Variants in NIPBL observed in about 807,000 individuals in gnomAD.
NIPBL encodes nipped-B-like protein.
Under a neutral mutation model 321.8 loss-of-function variants are expected in NIPBL, and 19 were observed. The ratio of observed to expected loss-of-function variants is 0.06; its 90% CI spans 0.04 to 0.09. The LOEUF (loss-of-function observed/expected upper bound fraction) is 0.09, where lower values mean the gene tolerates loss of function less well. NIPBL is among the 10% of genes least tolerant of loss of function. The probability of loss-of-function intolerance (pLI) is 1.00; values close to 1 mark genes in which losing one functional copy is unlikely to be tolerated. For synonymous variants in NIPBL, 1,106 were observed against 1,114.1 expected (o/e 0.99, Z 0.14); for missense variants, 2,210 against 3,327.0 (o/e 0.66, Z 8.26).
At chr5:36,988,454 G>A (rs187412944) in intron 10 of NIPBL, among the ~76,000 whole-genome samples, 6 of 151,882 alleles carry the variant, frequency 4.0e-5, no homozygotes, top group African/African-American at 7.3e-5. Context: ...TCAGGATGCC[G>A]TGTAGCTATC....
intron 46 of NIPBL, 187 bp from the exon 47 acceptor site, chr5:37,064,340 A>G: frequency 2.8e-6 from 4 of 1,447,054 alleles, no homozygotes; most frequent in Non-Finnish European, 3.6e-6. Context: ...TAAGAGTTAT[A>G]TGGTTTTACA....
At chr5:37,054,250 A>G (rs958330026) in intron 42 of NIPBL, among the ~76,000 whole-genome samples, 6 of 152,084 alleles carry the variant, frequency 3.9e-5, no homozygotes, top group East Asian at 3.8e-4. Context: ...TGTTAGCCTG[A>G]CAGCAGATTT....
In NIPBL at chr5:36,972,035, C is replaced by G. The variant is rs546188623; in HGVS notation, c.862C>G (p.Pro288Ala). ...VCSPAGSEGT[P>A]KGSRPPLILQ... The stretch of plus-strand genomic sequence containing the variant: ...CTCCCCTGCTGGAAGTGAAGGAACT[C>G]CTAAAGGTACTACTGTAACTAAAAT... Residue 288 changes from proline to alanine, a missense_variant, in exon 8 of 47, where the codon CCT becomes GCT. Physicochemically the swap from Pro to Ala is conservative, Grantham distance 27 (BLOSUM62 -1). This residue lies in a region of NIPBL where 464 missense variants were observed against 529.5 expected (regional missense o/e 0.88). Coordinates refer to ENST00000282516, the MANE Select transcript of NIPBL (RefSeq NM_133433.4). 6.2e-7 allele frequency: 1 copy of G among 1,605,392 alleles called. No individual in the cohort carries two copies. Among genetic ancestry groups the G allele is most frequent in the South Asian group, 1.1e-5 (1 of 90,854 alleles).
chr5:36,942,418 T>G (rs1580288965), intron 1 of NIPBL, among the ~76,000 whole-genome samples: 5 of 103,718 alleles, frequency 4.8e-5, no homozygotes, highest in African/African-American at 8.1e-5. Context: ...GGTGACAGAG[T>G]GAGACTCTGT....
At chr5:37,049,937 T>A (rs1038268902) in intron 40 of NIPBL, among the ~76,000 whole-genome samples, 1 of 152,196 alleles carries the variant, frequency 6.6e-6, no homozygotes, top group Non-Finnish European at 1.5e-5. Flanking sequence ...GTATTTTTCA[T>A]GGAACGTTTT....
chr5:37,040,922 G>A lies in NIPBL; in HGVS notation c.6108+2184G>A, dbSNP rs1752269156. On this transcript the variant is annotated intron_variant, in intron 34 of 46. Transcript: ENST00000282516. Reference sequence around the variant, plus strand: ...AGTTTCCTTCCCTGACTGCAAAGAAGGTTGAGCATCTTTTCTTGGTACTGA... The same window carrying A: ...AGTTTCCTTCCCTGACTGCAAAGAAAGTTGAGCATCTTTTCTTGGTACTGA... 3.9e-5 allele frequency among the ~76,000 whole-genome samples: 6 copies of A among 152,094 alleles called. 2 individuals carry two copies. The South Asian group carries it at 1.2e-3, about 31-fold the overall frequency.
chr5:36,925,988 C>A (rs1368908142), intron 1 of NIPBL, among the ~76,000 whole-genome samples: 1 of 152,144 alleles, frequency 6.6e-6, no homozygotes, highest in African/African-American at 2.4e-5. Context: ...CATTTTCGTA[C>A]CCATTCTCAA....
chr5:36,916,935 A>G (rs895991440), intron 1 of NIPBL, among the ~76,000 whole-genome samples: 4 of 152,200 alleles, frequency 2.6e-5, no homozygotes, highest in African/African-American at 4.8e-5. Flanking sequence ...AGTCTTTGCT[A>G]TTGTGAATAG....
intron 2 of NIPBL, among the ~76,000 whole-genome samples, chr5:36,955,186 C>T (rs1395077354): frequency 6.6e-6 from 1 of 152,036 alleles, no homozygotes; most frequent in Admixed American, 6.6e-5. Flanking sequence ...TGTAACCATG[C>T]CTTTTTCGCT....
At chr5:37,032,111 A>G (rs576977729) in intron 32 of NIPBL, among the ~76,000 whole-genome samples, 2 of 152,320 alleles carry the variant, frequency 1.3e-5, no homozygotes, top group South Asian at 2.1e-4. Flanking sequence ...AGAGCCCATC[A>G]TTCTGTATTT....
At position 37,016,298 on chromosome 5, in the gene NIPBL, A is replaced by G. The variant is rs1361981603; in HGVS notation, c.4776+128A>G. The G allele has an allele frequency of 1.2e-5, 12 of 988,404 alleles. No homozygotes were observed. In the Admixed American group the frequency reaches 2.4e-4, roughly 20 times the overall value. 61.2% of individuals were successfully genotyped at this position (988,404 alleles called of 1,614,324 possible). On this transcript the variant is annotated intron_variant, in intron 23 of 46. Transcript: ENST00000282516. ...ATATGAACATTGCATCTCTTTTTGCATGTGCATAACTGTACACAATATTGT... is the reference window on the plus strand; with the variant it reads ...ATATGAACATTGCATCTCTTTTTGCGTGTGCATAACTGTACACAATATTGT...
chr5:37,064,013 G>GTA, intron 46 of NIPBL, 35 bp downstream of exon 46: 1 of 1,608,302 alleles, frequency 6.2e-7, no homozygotes, highest in Non-Finnish European at 8.5e-7. Context: ...ATTTCGCAGC[G>GTA]TATTACGTAA....
In NIPBL at chr5:37,036,405, A is replaced by T; in HGVS notation, c.5889A>T (p.Ser1963=). Residue 1963 remains serine (S), a synonymous_variant, in exon 33 of 47, where the codon TCA becomes TCT. Coordinates refer to ENST00000282516, the MANE Select transcript of NIPBL (RefSeq NM_133433.4). The part of the protein sequence containing the change: ...QNLLKSEEDS[S]YKPVKKACTQ... ...TGTTGAAGTCCGAAGAGGATTCCTCATATAAACCTGTGAAGAAAGCTTGTA... is the reference window on the plus strand; with the variant it reads ...TGTTGAAGTCCGAAGAGGATTCCTCTTATAAACCTGTGAAGAAAGCTTGTA... 1 of 1,412,478 alleles carries T rather than the reference A, an allele frequency of 7.1e-7. No individual in the cohort carries two copies. Among genetic ancestry groups the T allele is most frequent in the Non-Finnish European group, 9.4e-7 (1 of 1,067,664 alleles). The allele number at this position is 1,412,478 out of a possible 1,614,324, so 87.5% of individuals were successfully genotyped here.
At chr5:37,059,925 T>G (rs1283985296) in intron 44 of NIPBL, among the ~76,000 whole-genome samples, 1 of 152,216 alleles carries the variant, frequency 6.6e-6, no homozygotes, top group Non-Finnish European at 1.5e-5. Flanking sequence ...TAAAGATACC[T>G]CTTTTCTGCC....
chr5:36,980,137 C>A (rs1291941308), intron 9 of NIPBL, among the ~76,000 whole-genome samples: 1 of 151,542 alleles, frequency 6.6e-6, no homozygotes, highest in Non-Finnish European at 1.5e-5. Flanking sequence ...TTTTATACTG[C>A]GAACTTTCCT....
intron 1 of NIPBL, among the ~76,000 whole-genome samples, chr5:36,906,634 C>T: frequency 6.6e-6 from 1 of 152,072 alleles, no homozygotes; most frequent in South Asian, 2.1e-4. Context: ...GTCCTAACTA[C>T]CTTAATCAAG....
chr5:36,945,127 A>C (rs960366306), intron 1 of NIPBL, among the ~76,000 whole-genome samples: 4 of 152,144 alleles, frequency 2.6e-5, no homozygotes, highest in Non-Finnish European at 5.9e-5. Context: ...AATCCAAACA[A>C]TTCATAGACG....
At chr5:37,048,996 G>A (rs1039199178) in intron 39 of NIPBL, 115 bp from the exon 40 acceptor site, 3 of 1,031,028 alleles carry the variant, frequency 2.9e-6, no homozygotes, top group Middle Eastern at 2.8e-4. Flanking sequence ...GAACCATTGA[G>A]CCAGAACACT....
At chr5:36,902,856 G>C (rs1261367821) in intron 1 of NIPBL, among the ~76,000 whole-genome samples, 1 of 152,076 alleles carries the variant, frequency 6.6e-6, no homozygotes, top group Non-Finnish European at 1.5e-5. Context: ...ATTACTTTGG[G>C]CAGTATGACC....
Sources: allele counts gnomAD v4.1 joint callset (sites outside exome capture counted in the v4.1 genomes callset), GRCh38; gene constraint gnomAD v4.1.1; regional missense constraint gnomAD v4.1.1; transcripts MANE v1.5; gene names NCBI Gene and HGNC (gene_info 2026-07-23, HGNC 2026-07-21).